The following RACGAP1 variants were observed in gnomAD, a reference collection of about 807,000 sequenced individuals.
RACGAP1 encodes Rac GTPase activating protein 1.
RACGAP1 carries 30 observed loss-of-function variants against 78.1 expected under a neutral mutation model. The ratio of observed to expected loss-of-function variants is 0.38; its 90% CI spans 0.29 to 0.52. RACGAP1 has a LOEUF of 0.52. Ranked by LOEUF, RACGAP1 falls within the 20% of genes least tolerant of loss-of-function variation. The probability of loss-of-function intolerance (pLI) is 0.82; values close to 1 mark genes in which losing one functional copy is unlikely to be tolerated. For missense variants in RACGAP1, 587 were observed against 777.1 expected, an observed-to-expected ratio of 0.76 and a Z score of 2.91; for synonymous variants, 231 against 264.8, an observed-to-expected ratio of 0.87 and a Z score of 1.24.
intron 2 of RACGAP1, among the ~76,000 whole-genome samples, chr12:50,016,109 C>T (rs142509777): frequency 4.9e-4 from 74 of 152,126 alleles, no homozygotes; most frequent in African/African-American, 1.6e-3. Context: ...CAGCCGGGCA[C>T]GGTGGCTCAC....
intron 10 of RACGAP1, 78 bp downstream of exon 10, chr12:49,996,962 T>C: frequency 7.2e-7 from 1 of 1,384,456 alleles, no homozygotes; most frequent in Non-Finnish European, 9.4e-7. Context: ...TGATTAATTT[T>C]AGAACAAAAA....
chr12:50,010,247 A>C (rs1949230187), intron 2 of RACGAP1, among the ~76,000 whole-genome samples: 1 of 152,192 alleles, frequency 6.6e-6, no homozygotes, highest in African/African-American at 2.4e-5. Flanking sequence ...ATGCTATTAA[A>C]GTCATCTTTT....
At chr12:50,021,967 A>G (rs1008216223) in intron 1 of RACGAP1, among the ~76,000 whole-genome samples, 12 of 152,218 alleles carry the variant, frequency 7.9e-5, no homozygotes, top group Non-Finnish European at 1.5e-4. Context: ...TTGAAACCAA[A>G]TGTTCTTTAT....
chr12:50,014,736 GTTT>G (rs527498201), intron 2 of RACGAP1, among the ~76,000 whole-genome samples: 2 of 149,100 alleles, frequency 1.3e-5, no homozygotes, highest in Non-Finnish European at 3.0e-5. Context: ...TTTTGTTTTT[GTTT>G]TTTTTTCTGT....
At chr12:49,999,570 T>C in intron 8 of RACGAP1, 46 bp downstream of exon 8, 4 of 1,520,010 alleles carry the variant, frequency 2.6e-6, no homozygotes, top group Non-Finnish European at 3.6e-6. Context: ...TCCAAAATTT[T>C]GCTAGTTGTT....
chr12:49,994,457 A>G lies in RACGAP1; in HGVS notation c.1097T>C (p.Val366Ala), dbSNP rs767233141. ...CTCAATCTCATTTACACAATGCACA[A>G]CAATGGAGGGGATCATTGGAGAAGT... ...SQTSPMIPSI[V>A]VHCVNEIEQR... Residue 366 changes from valine (V) to alanine (A), a missense_variant, in exon 11 of 17, where the codon GTT becomes GCT. Coordinates refer to ENST00000312377, the MANE Select transcript of RACGAP1 (RefSeq NM_001319999.2). 5.6e-6 allele frequency: 9 copies of G among 1,614,026 alleles called. No individual in the cohort carries two copies. In the Admixed American group the frequency reaches 1.5e-4, roughly 27 times the overall value.
At chr12:50,006,714 G>A in intron 2 of RACGAP1, 78 bp from the exon 3 acceptor site, 1 of 1,394,400 alleles carries the variant, frequency 7.2e-7, no homozygotes, top group East Asian at 2.5e-5. Flanking sequence ...CCTACGGTTA[G>A]CTTTATTTGA....
At chr12:49,997,273 T>A in intron 9 of RACGAP1, 69 bp from the exon 10 acceptor site, 1 of 161,810 alleles carries the variant, frequency 6.2e-6, no homozygotes, top group Non-Finnish European at 8.9e-6. Flanking sequence ...ATCAACTAAC[T>A]TTTTTTTTTT....
chr12:50,019,450 A>G (rs1949873021), intron 1 of RACGAP1, among the ~76,000 whole-genome samples: 1 of 152,200 alleles, frequency 6.6e-6, no homozygotes, highest in African/African-American at 2.4e-5. Flanking sequence ...TAATTCAGAG[A>G]ACAAACACAC....
At chr12:50,030,494 C>A (rs570857070), upstream of RACGAP1, among the ~76,000 whole-genome samples, 4 of 152,158 alleles carry the variant, frequency 2.6e-5, no homozygotes, top group Admixed American at 2.6e-4. Context: ...TTGAAAACAG[C>A]CTGCCCAACA....
At position 49,990,005 on chromosome 12, in the gene RACGAP1, A is replaced by C. The variant is rs545184096; in HGVS notation, c.*263T>G. 4.4e-5 allele frequency: 17 copies of C among 386,830 alleles called. No homozygotes were observed. The highest frequency in any genetic ancestry group is 3.2e-4 in the African/African-American group (16 of 49,712). 24.0% of individuals were successfully genotyped at this position (386,830 alleles called of 1,614,324 possible). ...CCCAAAAAGAATCACAACCAATTCC[A>C]TACTAACCCTTCTACCCCTGGAAAG... On this transcript the variant is annotated 3_prime_UTR_variant, in exon 17 of 17. Transcript: ENST00000312377.
chr12:50,021,338 C>G (rs2137688802), intron 1 of RACGAP1, among the ~76,000 whole-genome samples: 1 of 152,304 alleles, frequency 6.6e-6, no homozygotes, highest in Admixed American at 6.5e-5. Context: ...CACTTTAAAC[C>G]AAAAGGTGCT....
At chr12:50,031,350 G>A (rs541393329) in intron 2 of RACGAP1, among the ~76,000 whole-genome samples, 46 of 151,332 alleles carry the variant, frequency 3.0e-4, no homozygotes, top group African/African-American at 1.0e-3. Context: ...ATTGTGGTGT[G>A]TGCCTGTAAT....
intron 7 of RACGAP1, among the ~76,000 whole-genome samples, chr12:50,000,908 C>T (rs1305546902): frequency 1.3e-5 from 2 of 152,122 alleles, no homozygotes; most frequent in African/African-American, 4.8e-5. Context: ...ATTAGCCAGA[C>T]GTGGTGGCAT....
At chr12:49,991,161 T>G (rs1947812396) in intron 15 of RACGAP1, among the ~76,000 whole-genome samples, 1 of 152,058 alleles carries the variant, frequency 6.6e-6, no homozygotes, top group Non-Finnish European at 1.5e-5. Flanking sequence ...TCATATAAAA[T>G]TGTTGGTTAG....
rs2137259445 is a variant in RACGAP1, at chr12:49,994,140, C to T, written c.1330G>A (p.Glu444Lys). The T allele has an allele frequency of 6.2e-7, 1 of 1,612,094 alleles. No homozygotes were observed. The highest frequency in any genetic ancestry group is 8.5e-7 in the Non-Finnish European group (1 of 1,179,408). The change falls in exon 12 of 17, where the codon GAA (glutamate) becomes AAA (lysine). Residue 444 changes from glutamate to lysine, a missense_variant. Glu to Lys is a moderately conservative substitution (Grantham distance 56). Coordinates refer to ENST00000312377, the MANE Select transcript of RACGAP1 (RefSeq NM_001319999.2). ...TTACATCTGCCCTTACCTGCTGCTT[C>T]CATAAAGGCTCTGTTAAGGCGAAAG... ...LTFRLNRAFM[E>K]AAEITDEDNS...
upstream of RACGAP1, among the ~76,000 whole-genome samples, chr12:50,028,707 G>A (rs752004211): frequency 6.6e-6 from 1 of 152,152 alleles, no homozygotes; most frequent in African/African-American, 2.4e-5. Context: ...GGGAGGCACA[G>A]GTCGCGGTGA....
At chr12:49,991,479 A>ATAT (rs1555169074) in intron 15 of RACGAP1, among the ~76,000 whole-genome samples, 4 of 24,094 alleles carry the variant, frequency 1.7e-4, no homozygotes, top group Non-Finnish European at 2.5e-4. Context: ...ATATATATAT[A>ATAT]TTTTTTTTTT....
At chr12:49,993,258 G>T (rs1235940408) in intron 12 of RACGAP1, among the ~76,000 whole-genome samples, 1 of 152,130 alleles carries the variant, frequency 6.6e-6, no homozygotes, top group Non-Finnish European at 1.5e-5. Context: ...AGAGCATTCA[G>T]GTTGAGACAA....
Sources: allele counts gnomAD v4.1 joint callset (sites outside exome capture counted in the v4.1 genomes callset), GRCh38; gene constraint gnomAD v4.1.1; transcripts MANE v1.5; gene names NCBI Gene and HGNC (gene_info 2026-07-23, HGNC 2026-07-21).